The following PCSK5 variants were observed in gnomAD, a reference collection of about 807,000 sequenced individuals.
PCSK5 encodes the protein prohormone convertase 5.
PCSK5 carries 129 observed loss-of-function variants against 233.2 expected under a neutral mutation model. The observed-to-expected ratio is 0.55, with a 90% CI of 0.48 to 0.64. The LOEUF is 0.64. Among genes scored for constraint, PCSK5 ranks in the 30% least tolerant of loss-of-function variants. The pLI, the probability that PCSK5 is intolerant of heterozygous loss-of-function variation, is 0.00. For synonymous variants in PCSK5, 825 were observed against 879.2 expected (o/e 0.94, Z 1.09); for missense variants, 2,076 against 2,430.1 (o/e 0.85, Z 3.06).
At chr9:76,284,277 A>T (rs1827981726) in intron 24 of PCSK5, among the ~76,000 whole-genome samples, 1 of 152,150 alleles carries the variant, frequency 6.6e-6, no homozygotes, top group South Asian at 2.1e-4. Flanking sequence ...AGCTCCCATA[A>T]TCCCCACATG....
chr9:76,071,273 A>G (rs1184968940), intron 6 of PCSK5, among the ~76,000 whole-genome samples: 2 of 152,182 alleles, frequency 1.3e-5, no homozygotes, highest in African/African-American at 4.8e-5. Context: ...GCTAATATTA[A>G]ATATGGAGGA....
intron 7 of PCSK5, among the ~76,000 whole-genome samples, chr9:76,081,507 A>G (rs930477523): frequency 7.9e-5 from 12 of 152,092 alleles, no homozygotes; most frequent in African/African-American, 2.9e-4. Flanking sequence ...AAATAAATAC[A>G]TAAAAGCATA....
intron 24 of PCSK5, among the ~76,000 whole-genome samples, chr9:76,279,646 C>T (rs1432516058): frequency 6.6e-6 from 1 of 151,898 alleles, no homozygotes; most frequent in African/African-American, 2.4e-5. Context: ...TTTTGATTTG[C>T]ATTTCTCTGA....
chr9:76,124,411 A>G lies in PCSK5; in HGVS notation c.1209-9698A>G, dbSNP rs368619547. ...AGCCAGGTTTGTTTCCTGTCCTCCA[A>G]ATCCATCGGCTTGTCTTCCTTGTCA... On this transcript the variant is annotated intron_variant, in intron 9 of 37. Transcript: ENST00000674117. 3.3e-5 allele frequency among the ~76,000 whole-genome samples: 5 copies of G among 152,184 alleles called. No homozygotes were observed. The South Asian group carries it at 8.3e-4, about 25-fold the overall frequency.
At chr9:76,073,573 A>G (rs1023227864) in intron 7 of PCSK5, among the ~76,000 whole-genome samples, 1 of 152,202 alleles carries the variant, frequency 6.6e-6, no homozygotes. Flanking sequence ...TTTCAATAGA[A>G]TGATCATTCA....
At chr9:75,967,109 A>G (rs989361597) in intron 2 of PCSK5, among the ~76,000 whole-genome samples, 5 of 151,948 alleles carry the variant, frequency 3.3e-5, no homozygotes, top group African/African-American at 7.3e-5. Flanking sequence ...TTTTTCTTTA[A>G]TAATATCAAC....
intron 1 of PCSK5, among the ~76,000 whole-genome samples, chr9:75,918,912 C>T (rs1006601429): frequency 6.6e-6 from 1 of 152,092 alleles, no homozygotes; most frequent in Non-Finnish European, 1.5e-5. Flanking sequence ...TTTTGCATTA[C>T]CTTTCCAACT....
chr9:76,061,314 ATAT>A (rs1422331151), intron 5 of PCSK5, among the ~76,000 whole-genome samples: 1 of 152,204 alleles, frequency 6.6e-6, no homozygotes, highest in Non-Finnish European at 1.5e-5. Flanking sequence ...CATAGAAATA[ATAT>A]TATTTTATCA....
At chr9:76,289,504 C>CGCA (rs1564159545) in intron 24 of PCSK5, among the ~76,000 whole-genome samples, 2 of 131,972 alleles carry the variant, frequency 1.5e-5, no homozygotes, top group Non-Finnish European at 3.2e-5. Context: ...CACACACACA[C>CGCA]ACACACGCAA....
At chr9:76,057,633 A>G (rs937260399) in intron 5 of PCSK5, among the ~76,000 whole-genome samples, 19 of 152,184 alleles carry the variant, frequency 1.2e-4, no homozygotes, top group Admixed American at 1.1e-3. Context: ...AGCCCTTTAT[A>G]AGGAAATAGT....
At chr9:76,338,991 C>A (rs1046638651) in intron 35 of PCSK5, among the ~76,000 whole-genome samples, 1 of 151,804 alleles carries the variant, frequency 6.6e-6, no homozygotes, top group African/African-American at 2.4e-5. Context: ...TACTCTTTCC[C>A]AAATAGTTAT....
intron 12 of PCSK5, among the ~76,000 whole-genome samples, chr9:76,159,816 C>CTTTTTTT (rs386415165): frequency 5.1e-5 from 5 of 97,588 alleles, no homozygotes; most frequent in African/African-American, 4.1e-5. Context: ...CTCTTCAGTC[C>CTTTTTTT]TTTTTTTTTT....
chr9:75,908,832 A>G (rs575613834), intron 1 of PCSK5, among the ~76,000 whole-genome samples: 3 of 151,914 alleles, frequency 2.0e-5, no homozygotes, highest in East Asian at 3.9e-4. Context: ...CTATCTATCT[A>G]TCTATCCATC....
intron 6 of PCSK5, among the ~76,000 whole-genome samples, chr9:76,068,900 T>G (rs1487017307): frequency 6.6e-6 from 1 of 152,164 alleles, no homozygotes; most frequent in Admixed American, 6.5e-5. Context: ...ATTATTTGTT[T>G]TCAAGTGGGA....
chr9:75,953,646 CTGTG>C (rs34234415), intron 2 of PCSK5, among the ~76,000 whole-genome samples: 4 of 149,692 alleles, frequency 2.7e-5, no homozygotes, highest in Admixed American at 6.7e-5. Context: ...GTGTGTGTGT[CTGTG>C]TGTGTGTGTG....
chr9:76,190,535 A>G (rs969739729), intron 20 of PCSK5, among the ~76,000 whole-genome samples: 2 of 152,166 alleles, frequency 1.3e-5, no homozygotes, highest in Non-Finnish European at 2.9e-5. Flanking sequence ...CTATGTTTTT[A>G]CAAAGTTTTA....
chr9:76,290,198 C>T (rs1030151470), intron 24 of PCSK5, among the ~76,000 whole-genome samples: 3 of 152,180 alleles, frequency 2.0e-5, no homozygotes, highest in African/African-American at 7.2e-5. Context: ...AAAATAGACA[C>T]GTAATGGAAA....
At chr9:76,177,151 G>A (rs574621874) in intron 14 of PCSK5, among the ~76,000 whole-genome samples, 9 of 152,104 alleles carry the variant, frequency 5.9e-5, no homozygotes, top group Admixed American at 2.0e-4. Flanking sequence ...GAAATTAGCC[G>A]GGTGTGGTGG....
chr9:76,070,251 C>G (rs994195823), intron 6 of PCSK5, among the ~76,000 whole-genome samples: 1 of 152,118 alleles, frequency 6.6e-6, no homozygotes, highest in Non-Finnish European at 1.5e-5. Flanking sequence ...CCACCCGCCT[C>G]GGCCTCCCAA....
Sources: gnomAD v4.1 joint callset for allele counts (sites outside exome capture counted in the v4.1 genomes callset) on GRCh38, gnomAD v4.1.1 for gene constraint, MANE v1.5 for transcripts, NCBI Gene and HGNC (gene_info 2026-07-23, HGNC 2026-07-21) for gene names.